Variants in ARHGEF17 observed in about 807,000 individuals in gnomAD.
ARHGEF17 encodes Rho guanine nucleotide exchange factor 17.
ARHGEF17 carries 80 observed loss-of-function variants against 174.0 expected under a neutral mutation model. The ratio of observed to expected loss-of-function variants is 0.46; its 90% CI spans 0.38 to 0.55. The LOEUF (loss-of-function observed/expected upper bound fraction) is 0.55, where lower values mean the gene tolerates loss of function less well. ARHGEF17 is among the 20% of genes least tolerant of loss of function. The probability of loss-of-function intolerance (pLI) is 0.00; values close to 1 mark genes in which losing one functional copy is unlikely to be tolerated. For synonymous variants in ARHGEF17, 1,311 were observed against 1,189.1 expected, an observed-to-expected ratio of 1.10 and a Z score of -2.11; for missense variants, 2,886 against 2,839.7, an observed-to-expected ratio of 1.02 and a Z score of -0.37.
At position 73,309,229 on chromosome 11, in the gene ARHGEF17, G is replaced by A; in HGVS notation, c.591G>A (p.Leu197=). The change falls in exon 1 of 21, where the codon CTG becomes CTA. Residue 197 remains leucine (L), a synonymous_variant. Transcript: ENST00000263674. ...CCGGGCCGGAGACCGAAGGGAGGCT[G>A]CGCCGGCCGCAGCAGCAACAGGAGC... ...PLTGPETEGR[L]RRPQQQQERA... The A allele has an allele frequency of 1.9e-6, 3 of 1,602,566 alleles. No homozygotes were observed. Among genetic ancestry groups the A allele is most frequent in the Non-Finnish European group, 2.6e-6 (3 of 1,174,626 alleles).
intron 1 of ARHGEF17, among the ~76,000 whole-genome samples, chr11:73,325,313 C>T (rs1437002921): frequency 1.3e-5 from 2 of 151,972 alleles, no homozygotes; most frequent in African/African-American, 2.4e-5. Flanking sequence ...GTCATCAGGT[C>T]GCTTCCTGTG....
chr11:73,362,924 A>C (rs1021437684), intron 14 of ARHGEF17, among the ~76,000 whole-genome samples, 190 bp downstream of exon 14: 1 of 152,230 alleles, frequency 6.6e-6, no homozygotes, highest in Non-Finnish European at 1.5e-5. Flanking sequence ...AGGCGGGATC[A>C]TGAAGACCCT....
intron 12 of ARHGEF17, among the ~76,000 whole-genome samples, chr11:73,361,489 T>C (rs1865737227): frequency 6.6e-6 from 1 of 152,182 alleles, no homozygotes; most frequent in Admixed American, 6.5e-5. Flanking sequence ...CATGTATCCA[T>C]GATTATATCT....
Position 73,352,942 on chromosome 11 carries a change from T to C in ARHGEF17, c.3383T>C (p.Leu1128Pro). The C allele has an allele frequency of 6.2e-7, 1 of 1,614,138 alleles. No homozygotes were observed. Among genetic ancestry groups the C allele is most frequent in the Non-Finnish European group, 8.5e-7 (1 of 1,180,026 alleles). ...PELLEHHEQF[L>P]EQVRHCMQTW... ...CTCCTGGAGCACCACGAGCAATTCC[T>C]GGAGCAGGTTCGGCACTGCATGCAG... is the stretch of plus-strand genomic sequence containing the variant. Residue 1128 changes from leucine (L) to proline (P), a missense_variant, in exon 3 of 21, where the codon CTG (leucine) becomes CCG (proline). Leu to Pro is a moderately conservative substitution (Grantham distance 98). Transcript: ENST00000263674.
chr11:73,311,324 C>G lies in ARHGEF17; in HGVS notation c.2686C>G (p.Pro896Ala), dbSNP rs1246870195. 1.2e-6 allele frequency: 2 copies of G among 1,613,348 alleles called. No homozygotes were observed. The highest frequency in any genetic ancestry group is 2.2e-5 in the East Asian group (1 of 44,872). Reference sequence around the variant, plus strand: ...GGCCCTACCTGAGGCTCTGCCTCCCCCTGCCACTGCCCACCGAAACTTTCA... The same window carrying G: ...GGCCCTACCTGAGGCTCTGCCTCCCGCTGCCACTGCCCACCGAAACTTTCA... The part of the protein sequence containing the change: ...ERALPEALPP[P>A]ATAHRNFHLD... Residue 896 changes from proline (P) to alanine (A), a missense_variant, in exon 1 of 21, where the codon CCT (proline) becomes GCT (alanine). Pro to Ala is a conservative substitution (Grantham distance 27). Around this residue, in one of 4 missense-constraint regions of ARHGEF17, gnomAD observed 1,728 missense variants for 1,461.2 expected, o/e 1.18. Coordinates refer to ENST00000263674, the MANE Select transcript of ARHGEF17 (RefSeq NM_014786.4).
rs758488742 is a variant in ARHGEF17 at position 73,311,033 on chromosome 11, G to T, written c.2395G>T (p.Val799Phe). 2 of 1,614,178 alleles carry T rather than the reference G, an allele frequency of 1.2e-6. No individual in the cohort carries two copies. Among genetic ancestry groups the T allele is most frequent in the Admixed American group, 1.7e-5 (1 of 60,026 alleles). The change falls in exon 1 of 21, where the codon GTT becomes TTT. Residue 799 changes from valine (V) to phenylalanine (F), a missense_variant. Coordinates refer to ENST00000263674, the MANE Select transcript of ARHGEF17 (RefSeq NM_014786.4). ...GSEESKGYQE[V>F]IQSIVQGPGT... is the part of the protein sequence containing the mutation. Reference sequence around the variant, plus strand: ...TGAAGAGAGCAAGGGATATCAGGAGGTTATTCAGAGCATAGTTCAGGGGCC... The same window carrying T: ...TGAAGAGAGCAAGGGATATCAGGAGTTTATTCAGAGCATAGTTCAGGGGCC...
rs887615431 is a variant in ARHGEF17 at position 73,367,994 on chromosome 11, C to A, written c.*214C>A. 3 of 533,466 alleles carry A rather than the reference C, an allele frequency of 5.6e-6. No individual in the cohort carries two copies. The African/African-American group carries it at 5.7e-5, about 10-fold the overall frequency. 33.0% of individuals were successfully genotyped at this position (533,466 alleles called of 1,614,324 possible). A position where few individuals can be genotyped will look rare whatever the true frequency, so the allele number is the denominator to read the frequency against. On this transcript the variant is annotated 3_prime_UTR_variant, in exon 21 of 21. Transcript: ENST00000263674. ...TCCCGACCCTCTGGCTGCCCCGGTG[C>A]TTCCAGTCATGATCGGGTGGGGGAC...
Position 73,365,072 on chromosome 11 carries a change from C to A in ARHGEF17, c.5551-318C>A. The A allele has an allele frequency of 2.6e-6, 1 of 379,138 alleles. No homozygotes were observed. Among genetic ancestry groups the A allele is most frequent in the Non-Finnish European group, 4.8e-6 (1 of 206,428 alleles). 23.5% of individuals were successfully genotyped at this position (379,138 alleles called of 1,614,324 possible). On this transcript the variant is annotated intron_variant, in intron 18 of 20. Transcript: ENST00000263674. This position sits in a 1 kb window ranked among gnomAD's most constrained non-coding sequence, Gnocchi z 4.9. ...AGGCCCCAGCTCTGTGACTGACTTGCTGTGTGACCTTTCCCTTCTAGGCTT... is the reference window on the plus strand; with the variant it reads ...AGGCCCCAGCTCTGTGACTGACTTGATGTGTGACCTTTCCCTTCTAGGCTT...
At chr11:73,346,845 A>G (rs914653248) in intron 1 of ARHGEF17, 38 bp from the exon 2 acceptor site, 3 of 1,417,946 alleles carry the variant, frequency 2.1e-6, no homozygotes, top group African/African-American at 1.5e-5. Context: ...TCTGGGGGGA[A>G]AAAGACCCCT....
Position 73,310,238 on chromosome 11 carries a change from C to T in ARHGEF17, c.1600C>T (p.Leu534Phe), listed in dbSNP as rs755974453. 43 of 1,613,946 alleles carry T rather than the reference C, an allele frequency of 2.7e-5. No homozygotes were observed. The highest frequency in any genetic ancestry group is 3.6e-5 in the Non-Finnish European group (42 of 1,180,038). ...APASPGTRPT[L>F]KDLTATLRRA... is the part of the protein sequence containing the mutation. Reference sequence around the variant, plus strand: ...AGCATCACCTGGCACGCGCCCCACACTCAAGGACTTGACAGCCACTCTGCG... The same window carrying T: ...AGCATCACCTGGCACGCGCCCCACATTCAAGGACTTGACAGCCACTCTGCG... The change falls in exon 1 of 21, where the codon CTC (leucine) becomes TTC (phenylalanine). Residue 534 changes from leucine to phenylalanine, a missense_variant. This residue lies in a region of ARHGEF17 where 1,728 missense variants were observed against 1,461.2 expected (regional missense o/e 1.18). Coordinates refer to ENST00000263674, the MANE Select transcript of ARHGEF17 (RefSeq NM_014786.4).
chr11:73,309,671 G>A lies in ARHGEF17; in HGVS notation c.1033G>A (p.Gly345Ser), dbSNP rs780600853. ...TAGAGAAGAAGGACTCCGGGAGTGG[G>A]GTAGTGGCTCTCCGCCCTGCGTCCC... ...APREEGLREW[G>S]SGSPPCVPGP... The change falls in exon 1 of 21, where the codon GGT (glycine) becomes AGT (serine). Residue 345 changes from glycine (G) to serine (S), a missense_variant. Gly to Ser is a moderately conservative substitution (Grantham distance 56). This residue lies in a region of ARHGEF17 where 1,728 missense variants were observed against 1,461.2 expected (regional missense o/e 1.18). Coordinates refer to ENST00000263674, the MANE Select transcript of ARHGEF17 (RefSeq NM_014786.4). 3 of 1,613,092 alleles carry A rather than the reference G, an allele frequency of 1.9e-6. No homozygotes were observed. Among genetic ancestry groups the A allele is most frequent in the Non-Finnish European group, 2.5e-6 (3 of 1,180,010 alleles).
At chr11:73,363,896 C>G in intron 16 of ARHGEF17, 63 bp downstream of exon 16, 2 of 1,511,536 alleles carry the variant, frequency 1.3e-6, no homozygotes, top group Non-Finnish European at 9.1e-7. Context: ...AGGCCTCCTT[C>G]TGTTCATCTG....
rs529198988 is a variant in ARHGEF17, at chr11:73,352,744, T to C, written c.3271-86T>C. 3.2e-5 allele frequency: 47 copies of C among 1,485,910 alleles called. No homozygotes were observed. The South Asian group carries it at 5.3e-4, about 17-fold the overall frequency. The allele number at this position is 1,485,910 out of a possible 1,614,324, so 92.0% of individuals were successfully genotyped here. On this transcript the variant is annotated intron_variant, in intron 2 of 20. Transcript: ENST00000263674. ...GCTGAGCTGCAGGCCCGGGTGATTCTGTGTGCACTCACACAGGGGCCCTGT... is the reference window on the plus strand; with the variant it reads ...GCTGAGCTGCAGGCCCGGGTGATTCCGTGTGCACTCACACAGGGGCCCTGT...
At chr11:73,318,721 G>GGGGAGGGCAGAGCACACCCGAGGT (rs1864967880) in intron 1 of ARHGEF17, among the ~76,000 whole-genome samples, 1 of 152,224 alleles carries the variant, frequency 6.6e-6, no homozygotes, top group Admixed American at 6.5e-5. Context: ...CAGGGTGAGA[G>GGGGAGGGCAGAGCACACCCGAGGT]GGGAGGGCAG....
intron 1 of ARHGEF17, among the ~76,000 whole-genome samples, chr11:73,339,137 C>T (rs183616445): frequency 6.6e-6 from 1 of 152,318 alleles, no homozygotes; most frequent in East Asian, 1.9e-4. Flanking sequence ...TCTCCTTCAC[C>T]ACCTGCATCA....
At chr11:73,316,144 G>A (rs1166024490) in intron 1 of ARHGEF17, among the ~76,000 whole-genome samples, 2 of 152,236 alleles carry the variant, frequency 1.3e-5, no homozygotes, top group African/African-American at 4.8e-5. Context: ...TGAACACTGA[G>A]CAAGAGGGAG....
chr11:73,362,627 C>G lies in ARHGEF17; in HGVS notation c.4889C>G (p.Pro1630Arg). 1 of 1,611,544 alleles carries G rather than the reference C, an allele frequency of 6.2e-7. No homozygotes were observed. Among genetic ancestry groups the G allele is most frequent in the Middle Eastern group, 1.7e-4 (1 of 6,060 alleles). ...TPGLGEGDPR[P>R]ELVPFDSDSD... The stretch of plus-strand genomic sequence containing the variant: ...GGCCTCGGCGAGGGTGACCCCCGCC[C>G]AGAGCTGGTGCCCTTTGACAGTGAC... The change falls in exon 14 of 21, where the codon CCA becomes CGA. Residue 1630 changes from proline (P) to arginine (R), a missense_variant. By Grantham distance (103) the Pro-to-Arg change is moderately radical. This residue lies in a region of ARHGEF17 where 476 missense variants were observed against 473.1 expected (regional missense o/e 1.01). Transcript: ENST00000263674.
chr11:73,363,813 G>A lies in ARHGEF17; in HGVS notation c.5313G>A (p.Ala1771=), dbSNP rs142058293. ...GGAACAGCATGAAGCTCCAGCATGC[G>A]GCCTCTGTGACCTGCATCTTGTAAG... ...DRRNSMKLQH[A]ASVTCILYLN... The change falls in exon 16 of 21, where the codon GCG becomes GCA. Residue 1771 remains alanine, a synonymous_variant. Transcript: ENST00000263674. 1.5e-5 allele frequency: 25 copies of A among 1,613,858 alleles called. No homozygotes were observed. Among genetic ancestry groups the A allele is most frequent in the African/African-American group, 9.3e-5 (7 of 74,936 alleles).
chr11:73,338,356 ACCCAAAAAGT>A (rs1865318183), intron 1 of ARHGEF17, among the ~76,000 whole-genome samples: 1 of 152,114 alleles, frequency 6.6e-6, no homozygotes, highest in Non-Finnish European at 1.5e-5. Flanking sequence ...TAATCTCTCT[ACCCAAAAAGT>A]CCCTCTTTTG....
Sources: gnomAD v4.1 joint callset for allele counts (sites outside exome capture counted in the v4.1 genomes callset) on GRCh38, gnomAD v4.1.1 for gene constraint, gnomAD v4.1.1 regional missense constraint, Gnocchi (gnomAD v3.1) non-coding constraint, MANE v1.5 for transcripts, NCBI Gene and HGNC (gene_info 2026-07-23, HGNC 2026-07-21) for gene names.